The following MCTP1 variants were observed in gnomAD, a reference collection of about 807,000 sequenced individuals.
MCTP1 encodes multiple C2 and transmembrane domain containing 1, also known as multiple C2 and transmembrane domain-containing protein 1.
Under a neutral mutation model 120.6 loss-of-function variants are expected in MCTP1, and 69 were observed. The ratio of observed to expected loss-of-function variants is 0.57; its 90% CI spans 0.47 to 0.70. MCTP1 has a LOEUF of 0.70. Ranked by LOEUF, MCTP1 falls within the 30% of genes least tolerant of loss-of-function variation. MCTP1 has a pLI of 0.00. For missense variants in MCTP1, 1,203 were observed against 1,248.8 expected (o/e 0.96, Z 0.55); for synonymous variants, 529 against 493.1 (o/e 1.07, Z -0.96).
intron 19 of MCTP1, among the ~76,000 whole-genome samples, chr5:94,740,766 A>G (rs987165711): frequency 5.9e-5 from 9 of 152,172 alleles, no homozygotes; most frequent in Admixed American, 2.0e-4. Context: ...GAGATACTGG[A>G]CTTTTATGCT....
intron 19 of MCTP1, among the ~76,000 whole-genome samples, chr5:94,717,227 C>A (rs1438448439): frequency 6.6e-6 from 1 of 152,060 alleles, no homozygotes; most frequent in African/African-American, 2.4e-5. Flanking sequence ...TCAACATACA[C>A]AAATGAATAA....
At chr5:95,242,210 A>C (rs1490859051) in intron 1 of MCTP1, among the ~76,000 whole-genome samples, 1 of 152,106 alleles carries the variant, frequency 6.6e-6, no homozygotes, top group Non-Finnish European at 1.5e-5. Flanking sequence ...ATTTTTCTTT[A>C]CCTTTTTTCC....
At chr5:95,181,859 GTGATTGCTCAC>G (rs1240156232) in intron 1 of MCTP1, among the ~76,000 whole-genome samples, 1 of 152,174 alleles carries the variant, frequency 6.6e-6, no homozygotes, top group African/African-American at 2.4e-5. Context: ...CCATCCGTTA[GTGATTGCTCAC>G]TGTGTTTGTT....
At chr5:95,076,465 A>G (rs1458907088) in intron 1 of MCTP1, among the ~76,000 whole-genome samples, 1 of 152,172 alleles carries the variant, frequency 6.6e-6, no homozygotes, top group Non-Finnish European at 1.5e-5. Context: ...AAAAAAAAAA[A>G]AAAAGGAATC....
At chr5:94,764,000 GATTT>G (rs1186947225) in intron 19 of MCTP1, among the ~76,000 whole-genome samples, 2 of 151,994 alleles carry the variant, frequency 1.3e-5, no homozygotes, top group Non-Finnish European at 2.9e-5. Flanking sequence ...TTATAATCGA[GATTT>G]ATTTTTTTTG....
intron 1 of MCTP1, among the ~76,000 whole-genome samples, chr5:95,048,562 A>G (rs1369335966): frequency 6.6e-6 from 1 of 152,166 alleles, no homozygotes; most frequent in Non-Finnish European, 1.5e-5. Context: ...TCCAAAACAC[A>G]TACTAATTTC....
chr5:95,195,927 G>C (rs1750338787), intron 1 of MCTP1, among the ~76,000 whole-genome samples: 2 of 152,114 alleles, frequency 1.3e-5, no homozygotes. Flanking sequence ...ACATTCCTGG[G>C]AAGGTGATAA....
At chr5:95,217,569 G>GTTT (rs1753183058) in intron 1 of MCTP1, among the ~76,000 whole-genome samples, 1 of 152,148 alleles carries the variant, frequency 6.6e-6, no homozygotes, top group Non-Finnish European at 1.5e-5. Context: ...AAACTCCCAT[G>GTTT]AAGTCAGACA....
rs1554151250 is a variant in MCTP1, at chr5:94,954,148, A to ATG, written c.839-788_839-787insCA. Among the ~76,000 whole-genome samples the ATG allele has an allele frequency of 3.0e-3, 18 of 5,958 alleles. 2 individuals are homozygous for ATG. The highest frequency in any genetic ancestry group is 5.5e-3 in the Non-Finnish European group (17 of 3,104). The allele number at this position is 5,958 out of a possible 152,430, so 3.9% of individuals were successfully genotyped here. A position where few individuals can be genotyped will look rare whatever the true frequency, so the allele number is the denominator to read the frequency against. On this transcript the variant is annotated intron_variant, in intron 2 of 22. Coordinates refer to ENST00000515393, the MANE Select transcript of MCTP1 (RefSeq NM_024717.7). ...CAAATATATATATGCATATATATAC[A>ATG]TATATATATGCATATATATACATAT...
intron 18 of MCTP1, among the ~76,000 whole-genome samples, chr5:94,794,235 A>G (rs915410146): frequency 6.6e-6 from 1 of 152,250 alleles, no homozygotes; most frequent in African/African-American, 2.4e-5. Context: ...CTTAAAAAAC[A>G]TTGAAGAATT....
chr5:95,239,446 A>C (rs193017217), intron 1 of MCTP1, among the ~76,000 whole-genome samples: 1 of 152,298 alleles, frequency 6.6e-6, no homozygotes, highest in East Asian at 1.9e-4. Flanking sequence ...TTTAATAAAG[A>C]GTTTAATTAA....
At chr5:95,081,998 T>TA (rs200351404) in intron 1 of MCTP1, 489 of 198,908 alleles carry the variant, frequency 2.5e-3, no homozygotes, top group Non-Finnish European at 3.7e-3. Flanking sequence ...GAAAGACATC[T>TA]AAAAAAAAAA....
At chr5:95,254,388 G>A (rs1033610577) in intron 1 of MCTP1, among the ~76,000 whole-genome samples, 2 of 152,090 alleles carry the variant, frequency 1.3e-5, no homozygotes, top group African/African-American at 2.4e-5. Flanking sequence ...GGAACACCGT[G>A]AATAAATACC....
intron 1 of MCTP1, among the ~76,000 whole-genome samples, chr5:95,176,332 C>G (rs1321363892): frequency 6.6e-6 from 1 of 152,022 alleles, no homozygotes; most frequent in Non-Finnish European, 1.5e-5. Flanking sequence ...CGAGACTAGC[C>G]TGGCCACCAT....
chr5:94,761,223 C>T (rs745827293), intron 19 of MCTP1, among the ~76,000 whole-genome samples: 4 of 152,176 alleles, frequency 2.6e-5, no homozygotes, highest in Non-Finnish European at 5.9e-5. Context: ...AGACTGTTGG[C>T]ATTTGGATCT....
intron 1 of MCTP1, among the ~76,000 whole-genome samples, chr5:95,093,067 A>G (rs1285835500): frequency 6.6e-6 from 1 of 152,252 alleles, no homozygotes; most frequent in Non-Finnish European, 1.5e-5. Flanking sequence ...TATAAGAAAC[A>G]CCAATTTGGA....
chr5:94,838,278 C>T (rs1408864402), intron 17 of MCTP1, among the ~76,000 whole-genome samples: 1 of 152,200 alleles, frequency 6.6e-6, no homozygotes, highest in African/African-American at 2.4e-5. Context: ...GGTGTTAACC[C>T]TAATTCCAAA....
intron 19 of MCTP1, among the ~76,000 whole-genome samples, chr5:94,750,443 G>A (rs1314544214): frequency 6.6e-6 from 1 of 152,096 alleles, no homozygotes; most frequent in African/African-American, 2.4e-5. Flanking sequence ...CAAATATTCT[G>A]GCCATCTCTT....
At chr5:94,965,143 T>C (rs1473892348) in intron 2 of MCTP1, among the ~76,000 whole-genome samples, 1 of 152,210 alleles carries the variant, frequency 6.6e-6, no homozygotes, top group Non-Finnish European at 1.5e-5. Flanking sequence ...GTTTAGGCGA[T>C]GAACTTGCTC....
Sources: gnomAD v4.1 joint callset for allele counts (sites outside exome capture counted in the v4.1 genomes callset) on GRCh38, gnomAD v4.1.1 for gene constraint, MANE v1.5 for transcripts, NCBI Gene and HGNC (gene_info 2026-07-23, HGNC 2026-07-21) for gene names.